YAE1: variants seen among roughly 807,000 people sequenced by gnomAD.
YAE1 encodes YAE1 maturation factor of ABCE1, also known as protein YAE1 homolog.
In YAE1, 22 loss-of-function variants were observed where a neutral mutation model predicts 23.0. That is an observed-to-expected ratio of 0.96 (90% CI 0.68 to 1.37). The LOEUF (loss-of-function observed/expected upper bound fraction) is 1.37. Ranked by LOEUF, YAE1 falls within the 40% of genes most tolerant of loss-of-function variation. The pLI, the probability that YAE1 is intolerant of heterozygous loss-of-function variation, is 0.00. For synonymous variants in YAE1, 101 were observed against 97.0 expected (o/e 1.04, Z -0.24); for missense variants, 260 against 262.1 (o/e 0.99, Z 0.06).
intron 2 of YAE1, among the ~76,000 whole-genome samples, chr7:39,582,002 A>G (rs1356064054): frequency 3.9e-5 from 6 of 152,080 alleles, no homozygotes; most frequent in Non-Finnish European, 7.4e-5. Flanking sequence ...ATTACAGCTT[A>G]TGGCAGCCTC....
At chr7:39,573,355 A>G (rs1360692569), downstream of YAE1, among the ~76,000 whole-genome samples, 1 of 152,220 alleles carries the variant, frequency 6.6e-6, no homozygotes, top group African/African-American at 2.4e-5. Context: ...TCTAAGTAGT[A>G]AGGAGTTAGT....
intron 1 of YAE1, chr7:39,569,902 G>A (rs1207357506): frequency 9.4e-6 from 11 of 1,164,366 alleles, no homozygotes; most frequent in Non-Finnish European, 1.3e-5. Flanking sequence ...ATAGTAGGAA[G>A]AACAGTTATT....
chr7:39,609,598 C>G, intron 2 of YAE1: 1 of 1,530,746 alleles, frequency 6.5e-7, no homozygotes, highest in African/African-American at 1.4e-5. Flanking sequence ...TCTGTCTATC[C>G]AATTGTCTAT....
At chr7:39,605,602 A>G (rs1215446522) in intron 2 of YAE1, among the ~76,000 whole-genome samples, 1 of 152,198 alleles carries the variant, frequency 6.6e-6, no homozygotes, top group African/African-American at 2.4e-5. Context: ...TTACACCATC[A>G]GCTCTCCTGG....
intron 1 of YAE1, chr7:39,566,865 CTTA>C (rs1450631156): frequency 3.4e-5 from 8 of 236,434 alleles, no homozygotes; most frequent in African/African-American, 8.9e-5. Flanking sequence ...ATACACTATA[CTTA>C]TTATGGCTGT....
At chr7:39,583,656 A>G (rs1169277328) in intron 2 of YAE1, among the ~76,000 whole-genome samples, 1 of 152,230 alleles carries the variant, frequency 6.6e-6, no homozygotes, top group Non-Finnish European at 1.5e-5. Flanking sequence ...CCTATAAGCC[A>G]TGTATTTCCC....
intron 2 of YAE1, among the ~76,000 whole-genome samples, chr7:39,589,478 C>T (rs1200160045): frequency 6.6e-6 from 1 of 152,062 alleles, no homozygotes; most frequent in Non-Finnish European, 1.5e-5. Context: ...AGGCTGGTCT[C>T]AAACTCCTGA....
chr7:39,581,732 A>G (rs969971258), intron 2 of YAE1, among the ~76,000 whole-genome samples: 1 of 151,848 alleles, frequency 6.6e-6, no homozygotes, highest in Non-Finnish European at 1.5e-5. Flanking sequence ...TCAACCGGGC[A>G]TGGTAGTGCA....
chr7:39,571,273 T>C (rs1234954044), intron 2 of YAE1, among the ~76,000 whole-genome samples: 2 of 144,146 alleles, frequency 1.4e-5, no homozygotes, highest in African/African-American at 5.4e-5. Flanking sequence ...TTTTTTCTTT[T>C]TTCTTTTTTT....
chr7:39,572,064 C>A (rs1326428633), intron 2 of YAE1, among the ~76,000 whole-genome samples: 1 of 152,004 alleles, frequency 6.6e-6, no homozygotes, highest in African/African-American at 2.4e-5. Flanking sequence ...ACTAATTTTT[C>A]TTTCTCGGAG....
Position 39,609,615 on chromosome 7 carries a change from A to T in YAE1, c.252-2A>T. 3 of 1,533,440 alleles carry T rather than the reference A, an allele frequency of 2.0e-6. No homozygotes were observed. Among genetic ancestry groups the T allele is most frequent in the Non-Finnish European group, 8.7e-7 (1 of 1,145,008 alleles). 95.0% of individuals were successfully genotyped at this position (1,533,440 alleles called of 1,614,324 possible). A position where few individuals can be genotyped will look rare whatever the true frequency, so the allele number is the denominator to read the frequency against. On this transcript the variant is annotated splice_acceptor_variant, in intron 2 of 2. Transcript: ENST00000432096. LOFTEE classifies it high-confidence loss of function. The stretch of plus-strand genomic sequence containing the variant: ...TGTCTATCCAATTGTCTATCAAAAC[A>T]GGAACTCAACGGATTGGAGCCTACT...
chr7:39,591,536 G>A (rs1051009633), intron 2 of YAE1, among the ~76,000 whole-genome samples: 1 of 151,926 alleles, frequency 6.6e-6, no homozygotes, highest in African/African-American at 2.4e-5. Context: ...TTTTGGAGAA[G>A]TTTAAGTTCA....
intron 2 of YAE1, among the ~76,000 whole-genome samples, chr7:39,578,375 G>C (rs543111183): frequency 1.3e-5 from 2 of 152,112 alleles, no homozygotes; most frequent in Non-Finnish European, 2.9e-5. Flanking sequence ...AATAAAAGCA[G>C]GCTGCCCAAG....
intron 2 of YAE1, among the ~76,000 whole-genome samples, chr7:39,603,680 C>G (rs1276476715): frequency 6.6e-6 from 1 of 152,070 alleles, no homozygotes; most frequent in Non-Finnish European, 1.5e-5. Context: ...GATGTTTCAC[C>G]AGAGTAATAT....
At chr7:39,575,575 A>AGAGAGAGAGAGAGAGAGT (rs1339594299), downstream of YAE1, among the ~76,000 whole-genome samples, 3 of 81,782 alleles carry the variant, frequency 3.7e-5, no homozygotes, top group African/African-American at 1.5e-4. Flanking sequence ...AGAGAGAGAG[A>AGAGAGAGAGAGAGAGAGT]GAGTGAGTGT....
At chr7:39,574,577 C>CA (rs1314998570), downstream of YAE1, among the ~76,000 whole-genome samples, 1 of 151,776 alleles carries the variant, frequency 6.6e-6, no homozygotes, top group Non-Finnish European at 1.5e-5. Flanking sequence ...TGCTAAAATA[C>CA]AAAAAATGAG....
chr7:39,595,979 C>T (rs1361224631), intron 2 of YAE1, among the ~76,000 whole-genome samples: 1 of 152,136 alleles, frequency 6.6e-6, no homozygotes, highest in Non-Finnish European at 1.5e-5. Context: ...AATTTCAGAC[C>T]TAATCATTAA....
chr7:39,588,544 G>A (rs905340033), intron 2 of YAE1, among the ~76,000 whole-genome samples: 3 of 151,210 alleles, frequency 2.0e-5, no homozygotes, highest in African/African-American at 7.3e-5. Flanking sequence ...AAAAATGGGA[G>A]CTACCCCCCA....
At chr7:39,579,127 C>T (rs551703321) in intron 2 of YAE1, among the ~76,000 whole-genome samples, 1 of 152,144 alleles carries the variant, frequency 6.6e-6, no homozygotes, top group Non-Finnish European at 1.5e-5. Context: ...TATGTAGGCA[C>T]TATATTCTAA....
Sources: gnomAD v4.1 joint callset for allele counts (sites outside exome capture counted in the v4.1 genomes callset) on GRCh38, gnomAD v4.1.1 for gene constraint, MANE v1.5 for transcripts, NCBI Gene and HGNC (gene_info 2026-07-23, HGNC 2026-07-21) for gene names.